CADM2: variants seen among roughly 807,000 people sequenced by gnomAD.
CADM2 encodes immunoglobulin superfamily member 4D.
In CADM2, 12 loss-of-function variants were observed where a neutral mutation model predicts 49.8. The observed-to-expected ratio is 0.24, with a 90% CI of 0.15 to 0.39. The LOEUF (loss-of-function observed/expected upper bound fraction) is 0.39, where lower values mean the gene tolerates loss of function less well. CADM2 is among the 10% of genes least tolerant of loss of function. The probability of loss-of-function intolerance (pLI) is 1.00; values close to 1 mark genes in which losing one functional copy is unlikely to be tolerated. For synonymous variants in CADM2, 214 were observed against 175.4 expected (o/e 1.22, Z -1.74); for missense variants, 378 against 492.3 (o/e 0.77, Z 2.20).
intron 1 of CADM2, among the ~76,000 whole-genome samples, chr3:85,196,001 C>G (rs1361099293): frequency 6.6e-6 from 1 of 152,038 alleles, no homozygotes; most frequent in Non-Finnish European, 1.5e-5. Flanking sequence ...GAATACTACT[C>G]TTTCCTGGAT....
intron 1 of CADM2, among the ~76,000 whole-genome samples, chr3:85,489,262 C>T (rs2039560805): frequency 6.6e-6 from 1 of 152,158 alleles, no homozygotes; most frequent in Non-Finnish European, 1.5e-5. Flanking sequence ...CTAAGAATGA[C>T]TAAGTAAAAT....
At chr3:85,199,745 A>C (rs969176466) in intron 1 of CADM2, among the ~76,000 whole-genome samples, 1 of 152,058 alleles carries the variant, frequency 6.6e-6, no homozygotes, top group Non-Finnish European at 1.5e-5. Context: ...CTTCAAGTCT[A>C]TAATAATTAA....
At chr3:85,542,283 GC>G (rs1417708066) in intron 1 of CADM2, among the ~76,000 whole-genome samples, 10 of 152,066 alleles carry the variant, frequency 6.6e-5, no homozygotes, top group African/African-American at 2.2e-4. Context: ...CCTAATTCCT[GC>G]CCTGAGAAAT....
intron 1 of CADM2, among the ~76,000 whole-genome samples, chr3:85,337,336 A>G (rs1256805364): frequency 6.6e-6 from 1 of 151,268 alleles, no homozygotes; most frequent in Non-Finnish European, 1.5e-5. Flanking sequence ...GACAATTTAT[A>G]CTTTCTCGTA....
At chr3:85,955,930 T>C (rs946527976) in intron 7 of CADM2, among the ~76,000 whole-genome samples, 9 of 151,804 alleles carry the variant, frequency 5.9e-5, no homozygotes, top group African/African-American at 1.9e-4. Context: ...ACTTTTCTGT[T>C]GTTCTAGGAA....
intron 1 of CADM2, among the ~76,000 whole-genome samples, chr3:85,256,628 T>C (rs1028859964): frequency 6.6e-6 from 1 of 152,158 alleles, no homozygotes; most frequent in Non-Finnish European, 1.5e-5. Context: ...TTCAGAAATC[T>C]CATCATTTAC....
intron 1 of CADM2, among the ~76,000 whole-genome samples, chr3:85,242,691 A>G (rs1381610654): frequency 2.0e-5 from 3 of 151,818 alleles, no homozygotes; most frequent in Admixed American, 2.0e-4. Flanking sequence ...TATTTTTTAA[A>G]GAAATTATGA....
intron 1 of CADM2, among the ~76,000 whole-genome samples, chr3:85,569,553 C>A (rs1192371933): frequency 6.6e-6 from 1 of 152,016 alleles, no homozygotes; most frequent in Non-Finnish European, 1.5e-5. Context: ...ATACGAGTGA[C>A]CCTGTCCCCA....
At chr3:85,215,938 C>A (rs1002700662) in intron 1 of CADM2, among the ~76,000 whole-genome samples, 1 of 152,098 alleles carries the variant, frequency 6.6e-6, no homozygotes, top group African/African-American at 2.4e-5. Context: ...GCAGACGCTG[C>A]TAGAGAATGA....
At chr3:85,827,866 G>T (rs979543815) in intron 3 of CADM2, 4 of 152,024 alleles carry the variant, frequency 2.6e-5, no homozygotes, top group African/African-American at 9.6e-5. Flanking sequence ...ATGGATCCAG[G>T]TTCTTTCTAT....
intron 1 of CADM2, among the ~76,000 whole-genome samples, chr3:85,384,002 C>T (rs1262433943): frequency 6.6e-6 from 1 of 152,014 alleles, no homozygotes; most frequent in South Asian, 2.1e-4. Context: ...CAGTAATTTC[C>T]AGGAATGAAA....
In CADM2 at chr3:86,071,658, C is replaced by G. The variant is rs1460108062; in HGVS notation, c.*4875C>G. ...AAGCATTCTTATGGAACTATTATAA[C>G]AGTGCACTCCCCACCCCCTGGGAAA... is the stretch of plus-strand genomic sequence containing the variant. On this transcript the variant is annotated 3_prime_UTR_variant, in exon 10 of 10. Coordinates refer to ENST00000383699, the MANE Select transcript of CADM2 (RefSeq NM_001167675.2). 2 of 151,946 alleles carry G rather than the reference C, an allele frequency of 1.3e-5. No homozygotes were observed. The highest frequency in any genetic ancestry group is 2.9e-5 in the Non-Finnish European group (2 of 67,864). 9.4% of individuals were successfully genotyped at this position (151,946 alleles called of 1,614,324 possible).
intron 1 of CADM2, among the ~76,000 whole-genome samples, chr3:85,559,369 A>T (rs971899423): frequency 2.0e-5 from 3 of 152,160 alleles, no homozygotes; most frequent in African/African-American, 4.8e-5. Context: ...ATGCCTGTGC[A>T]TTTCCTATTC....
intron 5 of CADM2, among the ~76,000 whole-genome samples, chr3:85,904,718 T>G (rs894404191): frequency 3.3e-5 from 5 of 152,142 alleles, no homozygotes; most frequent in Non-Finnish European, 7.4e-5. Context: ...TGTTCAGGAG[T>G]TGCCCCCAAT....
chr3:85,043,721 A>G (rs1387654558), intron 1 of CADM2, among the ~76,000 whole-genome samples: 3 of 151,984 alleles, frequency 2.0e-5, no homozygotes, highest in Non-Finnish European at 2.9e-5. Flanking sequence ...TTCAGGCACC[A>G]TATGTTTCTC....
intron 1 of CADM2, among the ~76,000 whole-genome samples, chr3:85,421,731 TTGAG>T (rs1445309903): frequency 2.6e-5 from 4 of 152,236 alleles, no homozygotes; most frequent in Non-Finnish European, 5.9e-5. Context: ...TTGTTCACTA[TTGAG>T]TAATTGCTGT....
At chr3:85,999,050 A>T (rs2108733390) in intron 8 of CADM2, among the ~76,000 whole-genome samples, 1 of 152,322 alleles carries the variant, frequency 6.6e-6, no homozygotes, top group East Asian at 1.9e-4. Flanking sequence ...TATTCCATTT[A>T]AACATGCAGA....
At chr3:85,040,637 T>C (rs1478638050) in intron 1 of CADM2, among the ~76,000 whole-genome samples, 2 of 152,100 alleles carry the variant, frequency 1.3e-5, no homozygotes, top group African/African-American at 2.4e-5. Flanking sequence ...AGATTACCCA[T>C]GGTTGGAATA....
intron 1 of CADM2, among the ~76,000 whole-genome samples, chr3:85,584,552 A>G (rs1051494616): frequency 2.0e-5 from 3 of 152,102 alleles, no homozygotes; most frequent in African/African-American, 7.2e-5. Context: ...AAGATGTGAC[A>G]TTTAAGTTGC....
Sources: gnomAD v4.1 joint callset for allele counts (sites outside exome capture counted in the v4.1 genomes callset) on GRCh38, gnomAD v4.1.1 for gene constraint, MANE v1.5 for transcripts, NCBI Gene and HGNC (gene_info 2026-07-23, HGNC 2026-07-21) for gene names.